Variants in FRY observed in about 807,000 individuals in gnomAD.
FRY encodes protein furry homolog.
In FRY, 128 loss-of-function variants were observed where a neutral mutation model predicts 348.4. The ratio of observed to expected loss-of-function variants is 0.37; its 90% CI spans 0.32 to 0.43. FRY has a LOEUF of 0.43. Among genes scored for constraint, FRY ranks in the 20% least tolerant of loss-of-function variants. The pLI is 1.00. For missense variants in FRY, 2,736 were observed against 3,695.2 expected, an observed-to-expected ratio of 0.74 and a Z score of 6.73; for synonymous variants, 1,370 against 1,374.7, an observed-to-expected ratio of 1.00 and a Z score of 0.08.
intron 51 of FRY, among the ~76,000 whole-genome samples, chr13:32,256,589 T>C (rs894149844): frequency 1.3e-5 from 2 of 152,166 alleles, no homozygotes; most frequent in Non-Finnish European, 2.9e-5. Context: ...GTGTACATTT[T>C]ATCCAAATAA....
At chr13:32,289,330 A>G (rs1889220442) in intron 58 of FRY, among the ~76,000 whole-genome samples, 2 of 152,202 alleles carry the variant, frequency 1.3e-5, no homozygotes, top group African/African-American at 4.8e-5. Flanking sequence ...ACAACCACTC[A>G]GCTATAATTG....
chr13:32,073,244 T>C (rs1022725558), intron 1 of FRY, among the ~76,000 whole-genome samples: 10 of 152,212 alleles, frequency 6.6e-5, no homozygotes, highest in African/African-American at 2.4e-4. Context: ...GTTCATGCCC[T>C]TCACAGGCTG....
chr13:32,196,814 G>C (rs1272925907), intron 29 of FRY, among the ~76,000 whole-genome samples: 1 of 152,162 alleles, frequency 6.6e-6, no homozygotes, highest in Non-Finnish European at 1.5e-5. Flanking sequence ...ATTAGATACA[G>C]CTCACTACTA....
intron 17 of FRY, among the ~76,000 whole-genome samples, chr13:32,164,801 G>A (rs1008128666): frequency 2.6e-5 from 4 of 152,138 alleles, no homozygotes; most frequent in Non-Finnish European, 2.9e-5. Context: ...CTTGGCAGCC[G>A]CCATCTTTTT....
At chr13:32,244,231 G>A in intron 47 of FRY, 49 bp downstream of exon 47, 1 of 1,560,488 alleles carries the variant, frequency 6.4e-7, no homozygotes, top group Non-Finnish European at 8.8e-7. Context: ...CTAAAAAGAT[G>A]GAGGCTTTTC....
chr13:32,050,327 C>T (rs1262133110), intron 1 of FRY, among the ~76,000 whole-genome samples: 1 of 152,154 alleles, frequency 6.6e-6, no homozygotes, highest in East Asian at 1.9e-4. Context: ...GTGTAATTTT[C>T]ATAGAAAACA....
intron 35 of FRY, 49 bp from the exon 36 acceptor site, chr13:32,218,700 C>G: frequency 1.0e-6 from 1 of 961,742 alleles, no homozygotes; most frequent in South Asian, 1.4e-5. Flanking sequence ...AAAAAAAGCG[C>G]ATATGCACAC....
chr13:32,209,103 G>T lies in FRY; in HGVS notation c.4269G>T (p.Thr1423=). The stretch of plus-strand genomic sequence containing the variant: ...TCCTGAACAACCTCATGTACATGAC[G>T]GCCAAGGTAAACTCAGAGGAATTGT... ...SLVLNNLMYM[T]AKYGDEVPGP... Residue 1423 remains threonine (T), a synonymous_variant, in exon 32 of 61, where the codon ACG becomes ACT. Transcript: ENST00000542859. 6.2e-7 allele frequency: 1 copy of T among 1,614,032 alleles called. No homozygotes were observed. Among genetic ancestry groups the T allele is most frequent in the Non-Finnish European group, 8.5e-7 (1 of 1,180,018 alleles).
At chr13:32,134,033 C>T (rs1207313855) in intron 8 of FRY, among the ~76,000 whole-genome samples, 1 of 152,090 alleles carries the variant, frequency 6.6e-6, no homozygotes, top group Admixed American at 6.5e-5. Flanking sequence ...CCTGCCTTGG[C>T]CTCCCAAAGT....
intron 23 of FRY, among the ~76,000 whole-genome samples, chr13:32,180,269 C>G (rs918158160): frequency 9.9e-5 from 15 of 151,170 alleles, no homozygotes; most frequent in African/African-American, 3.7e-4. Context: ...GAGTCTCGCT[C>G]TGTCACGCAG....
intron 59 of FRY, among the ~76,000 whole-genome samples, chr13:32,292,182 C>T (rs917022434): frequency 1.3e-5 from 2 of 151,940 alleles, no homozygotes; most frequent in Non-Finnish European, 2.9e-5. Context: ...GATGTTTCAC[C>T]TTGTTAGTCA....
intron 14 of FRY, among the ~76,000 whole-genome samples, chr13:32,151,746 A>G (rs879670291): frequency 1.3e-5 from 2 of 152,330 alleles, no homozygotes; most frequent in East Asian, 1.9e-4. Flanking sequence ...TTGGTCATCA[A>G]TTTCTCTGTT....
intron 28 of FRY, among the ~76,000 whole-genome samples, chr13:32,192,052 A>G (rs1883367706): frequency 6.6e-6 from 1 of 152,098 alleles, no homozygotes; most frequent in Admixed American, 6.6e-5. Context: ...CTGGGTAGGA[A>G]AGACAGGCTG....
At chr13:32,213,698 A>G (rs1398101586) in intron 35 of FRY, among the ~76,000 whole-genome samples, 4 of 152,124 alleles carry the variant, frequency 2.6e-5, no homozygotes, top group African/African-American at 9.7e-5. Flanking sequence ...TTGATCATTT[A>G]TTGTTTTGTC....
chr13:32,101,020 T>G (rs1376992036), intron 2 of FRY, among the ~76,000 whole-genome samples: 1 of 152,198 alleles, frequency 6.6e-6, no homozygotes, highest in African/African-American at 2.4e-5. Context: ...AATACATTAT[T>G]AACTGCAGTC....
chr13:32,274,199 G>A (rs1175123457), intron 55 of FRY, among the ~76,000 whole-genome samples: 1 of 151,314 alleles, frequency 6.6e-6, no homozygotes, highest in South Asian at 2.1e-4. Flanking sequence ...ATTCTCATGC[G>A]ATATTTTTAT....
intron 1 of FRY, among the ~76,000 whole-genome samples, chr13:32,051,735 G>T (rs1422831189): frequency 6.6e-6 from 1 of 152,198 alleles, no homozygotes; most frequent in Non-Finnish European, 1.5e-5. Flanking sequence ...GACCCACTGT[G>T]TACAAAACAC....
intron 20 of FRY, among the ~76,000 whole-genome samples, chr13:32,177,098 C>T (rs1421030822): frequency 6.6e-6 from 1 of 152,190 alleles, no homozygotes; most frequent in East Asian, 1.9e-4. Context: ...CATCATTTTA[C>T]ATGCCTAACA....
intron 11 of FRY, among the ~76,000 whole-genome samples, chr13:32,137,196 G>T (rs968286021): frequency 2.6e-5 from 4 of 152,124 alleles, no homozygotes; most frequent in Non-Finnish European, 5.9e-5. Flanking sequence ...AAATAAATCT[G>T]TTCTAACAAG....
Sources: allele counts gnomAD v4.1 joint callset (sites outside exome capture counted in the v4.1 genomes callset), GRCh38; gene constraint gnomAD v4.1.1; transcripts MANE v1.5; gene names NCBI Gene and HGNC (gene_info 2026-07-23, HGNC 2026-07-21).